SUPT7L: variants seen among roughly 807,000 people sequenced by gnomAD.
The protein encoded by SUPT7L is STAGA complex 65 subunit gamma.
SUPT7L carries 15 observed loss-of-function variants against 35.7 expected under a neutral mutation model. The ratio of observed to expected loss-of-function variants is 0.42; its 90% CI spans 0.28 to 0.65. SUPT7L has a LOEUF of 0.65. Among genes scored for constraint, SUPT7L ranks in the 30% least tolerant of loss-of-function variants. The pLI, the probability that SUPT7L is intolerant of heterozygous loss-of-function variation, is 0.23. For missense variants in SUPT7L, 434 were observed against 522.2 expected, an observed-to-expected ratio of 0.83 and a Z score of 1.65; for synonymous variants, 168 against 186.2, an observed-to-expected ratio of 0.90 and a Z score of 0.79.
downstream of SUPT7L, chr2:27,650,229 A>G (rs556375620): frequency 2.8e-4 from 374 of 1,338,984 alleles, 2 homozygotes; most frequent in South Asian, 3.9e-3. Flanking sequence ...ACTTGTTTCT[A>G]GAAGTCCAGA....
At chr2:27,650,374 A>C (rs147238088), downstream of SUPT7L, 31 of 476,248 alleles carry the variant, frequency 6.5e-5, no homozygotes, top group East Asian at 9.9e-4. Context: ...GGGATAGAAG[A>C]CCCTTGGACC....
chr2:27,649,654 T>C (rs1384756855), downstream of SUPT7L, among the ~76,000 whole-genome samples: 19 of 152,212 alleles, frequency 1.2e-4, no homozygotes. Flanking sequence ...CATTTGACTT[T>C]TTTGACTCAG....
intron 3 of SUPT7L, among the ~76,000 whole-genome samples, chr2:27,658,231 A>C (rs1036295821): frequency 1.3e-5 from 2 of 152,208 alleles, no homozygotes; most frequent in Non-Finnish European, 2.9e-5. Flanking sequence ...ATAGCTTACA[A>C]AGCATTTTCA....
chr2:27,661,010 G>C lies in SUPT7L; in HGVS notation c.393C>G (p.His131Gln). The C allele has an allele frequency of 6.2e-7, 1 of 1,614,130 alleles. No homozygotes were observed. Among genetic ancestry groups the C allele is most frequent in the Non-Finnish European group, 8.5e-7 (1 of 1,180,010 alleles). ...GATAAAAGTCACTCTCTGGGTCACT[G>C]TGCCGGATCTGGAATGGTGCATTGG... The part of the protein sequence containing the change: ...KNPNAPFQIR[H>Q]SDPESDFYRG... The change falls in exon 3 of 6, where the codon CAC (histidine) becomes CAG (glutamine). Residue 131 changes from histidine to glutamine, a missense_variant. By Grantham distance (24) the His-to-Gln change is conservative (BLOSUM62 0). Transcript: ENST00000337768.
rs750298851 is a variant in SUPT7L, at chr2:27,657,686, G to T, written c.420-17C>A. On this transcript the variant is annotated splice_polypyrimidine_tract_variant and intron_variant, in intron 3 of 5. Transcript: ENST00000337768. The surrounding 1 kb of genome is among the most constrained non-coding windows in gnomAD (Gnocchi z 5.2). The stretch of plus-strand genomic sequence containing the variant: ...CCTTTCCCACTGAAAGTGGAGATAC[G>T]GTGGTGTTATTAATGTTCTTGCAAA... 4 of 1,600,450 alleles carry T rather than the reference G, an allele frequency of 2.5e-6. No homozygotes were observed. In the African/African-American group the frequency reaches 5.4e-5, roughly 22 times the overall value.
At chr2:27,650,246 G>C, downstream of SUPT7L, 1 of 1,113,568 alleles carries the variant, frequency 9.0e-7, no homozygotes, top group South Asian at 1.3e-5. Flanking sequence ...CAGAATTTTG[G>C]ACCTCCACGT....
At position 27,655,796 on chromosome 2, in the gene SUPT7L, T is replaced by C. The variant is rs546454935; in HGVS notation, c.745-194A>G. Among the ~76,000 whole-genome samples the C allele has an allele frequency of 3.3e-5, 5 of 152,298 alleles. No individual in the cohort carries two copies. In the South Asian group the frequency reaches 1.0e-3, roughly 32 times the overall value. On this transcript the variant is annotated intron_variant, in intron 4 of 5. Transcript: ENST00000337768. ...ATAGAGATATGTAAAGAAAATTGGT[T>C]TGGCAGAGAATGTGTATGTCATTAA... is the stretch of plus-strand genomic sequence containing the variant.
rs1487943535 is a variant in SUPT7L at position 27,657,092 on chromosome 2, C to T, written c.744+253G>A. ...TTGTTGAATAAAATCAGACTAACTG[C>T]ATTCTCTCAGATTCCATATACTTGT... On this transcript the variant is annotated intron_variant, in intron 4 of 5. Coordinates refer to ENST00000337768, the MANE Select transcript of SUPT7L (RefSeq NM_014860.3). This position sits in a 1 kb window ranked among gnomAD's most constrained non-coding sequence, Gnocchi z 5.2. 6.6e-6 allele frequency among the ~76,000 whole-genome samples: 1 copy of T among 152,248 alleles called. No homozygotes were observed. The highest frequency in any genetic ancestry group is 6.5e-5 in the Admixed American group (1 of 15,282).
At chr2:27,642,954 T>TACACAC in the SUPT7L span, among the ~76,000 whole-genome samples, 173 of 46,826 alleles carry the variant, frequency 3.7e-3, no homozygotes, top group East Asian at 0.012. Flanking sequence ...TATATATATA[T>TACACAC]ATATACACAC....
At chr2:27,655,340 AAGTG>A in intron 5 of SUPT7L, 21 bp downstream of exon 5, 1 of 1,508,386 alleles carries the variant, frequency 6.6e-7, no homozygotes, top group Non-Finnish European at 8.9e-7. Flanking sequence ...CCCAGAATCA[AAGTG>A]AGTAAGTTTA....
chr2:27,659,176 T>TTA (rs1469290667), intron 3 of SUPT7L, among the ~76,000 whole-genome samples: 6 of 152,182 alleles, frequency 3.9e-5, no homozygotes, highest in Non-Finnish European at 5.9e-5. Flanking sequence ...AATAACACAG[T>TTA]TATGCCTCCC....
intron 4 of SUPT7L, among the ~76,000 whole-genome samples, chr2:27,656,169 A>G (rs963921128): frequency 6.6e-6 from 1 of 152,214 alleles, no homozygotes; most frequent in African/African-American, 2.4e-5. Flanking sequence ...AAGGGAAAAA[A>G]AAGTTGACAT....
At chr2:27,660,354 G>T (rs1000102090) in intron 3 of SUPT7L, among the ~76,000 whole-genome samples, 10 of 151,860 alleles carry the variant, frequency 6.6e-5, no homozygotes, top group African/African-American at 2.4e-4. Flanking sequence ...CTCCCGAGTA[G>T]CTGGGACTAC....
In SUPT7L at chr2:27,655,348, A is replaced by C; in HGVS notation, c.982+17T>G. ...CAGATCTCCCAGAATCAAAGTGAGT[A>C]AGTTTATTTGTCTTACTTGAAGCCT... On this transcript the variant is annotated intron_variant, in intron 5 of 5. Transcript: ENST00000337768. 1 of 1,518,728 alleles carries C rather than the reference A, an allele frequency of 6.6e-7. No individual in the cohort carries two copies. The highest frequency in any genetic ancestry group is 8.8e-7 in the Non-Finnish European group (1 of 1,134,242). The allele number at this position is 1,518,728 out of a possible 1,614,324, so 94.1% of individuals were successfully genotyped here. A position where few individuals can be genotyped will look rare whatever the true frequency, so the allele number is the denominator to read the frequency against.
At chr2:27,645,076 C>A in the SUPT7L span, among the ~76,000 whole-genome samples, 1 of 152,038 alleles carries the variant, frequency 6.6e-6, no homozygotes, top group Non-Finnish European at 1.5e-5. Flanking sequence ...CAAGCATTCC[C>A]CCTGTCTCAG....
In SUPT7L at chr2:27,651,124, T is replaced by C. The variant is rs954228268; in HGVS notation, c.*2361A>G. ...AGGCACATTTCATACATAACAGCCCTTATAAACGTTTGCCCTGCCTCCACA... is the reference window on the plus strand; with the variant it reads ...AGGCACATTTCATACATAACAGCCCCTATAAACGTTTGCCCTGCCTCCACA... On this transcript the variant is annotated 3_prime_UTR_variant, in exon 6 of 6. Coordinates refer to ENST00000337768, the MANE Select transcript of SUPT7L (RefSeq NM_014860.3). 6.6e-6 allele frequency: 1 copy of C among 152,384 alleles called. No homozygotes were observed. Among genetic ancestry groups the C allele is most frequent in the Non-Finnish European group, 1.5e-5 (1 of 68,046 alleles). The allele number at this position is 152,384 out of a possible 1,614,324, so 9.4% of individuals were successfully genotyped here.
downstream of SUPT7L, among the ~76,000 whole-genome samples, chr2:27,647,091 A>G (rs1188904326): frequency 1.3e-5 from 2 of 152,184 alleles, no homozygotes; most frequent in African/African-American, 2.4e-5. Flanking sequence ...TACTGTCAGC[A>G]TGTCCTGTCA....
Position 27,657,273 on chromosome 2 carries a change from G to T in SUPT7L, c.744+72C>A. On this transcript the variant is annotated intron_variant, in intron 4 of 5. Transcript: ENST00000337768. The surrounding 1 kb of genome is among the most constrained non-coding windows in gnomAD (Gnocchi z 5.2). ...CTGTGCTCTGCACTCTAGACCAAGT[G>T]TTGTGGGATCCTGCTGAACACTCCG... 6.6e-7 allele frequency: 1 copy of T among 1,514,864 alleles called. No homozygotes were observed. Among genetic ancestry groups the T allele is most frequent in the Non-Finnish European group, 9.0e-7 (1 of 1,112,298 alleles). 93.8% of individuals were successfully genotyped at this position (1,514,864 alleles called of 1,614,324 possible). A position where few individuals can be genotyped will look rare whatever the true frequency, so the allele number is the denominator to read the frequency against.
intron 3 of SUPT7L, among the ~76,000 whole-genome samples, chr2:27,658,582 G>A (rs1572978818): frequency 2.0e-5 from 3 of 152,272 alleles, no homozygotes; most frequent in East Asian, 3.9e-4. Flanking sequence ...AAATAAAATA[G>A]AGCACAGAAA....
Sources: allele counts gnomAD v4.1 joint callset (sites outside exome capture counted in the v4.1 genomes callset), GRCh38; gene constraint gnomAD v4.1.1; non-coding constraint Gnocchi (gnomAD v3.1); transcripts MANE v1.5; gene names NCBI Gene and HGNC (gene_info 2026-07-23, HGNC 2026-07-21).